Variants in ADCY5 observed in about 807,000 individuals in gnomAD.
ADCY5 encodes adenylate cyclase 5.
Under a neutral mutation model 119.7 loss-of-function variants are expected in ADCY5, and 30 were observed. The observed-to-expected ratio is 0.25, with a 90% CI of 0.19 to 0.34. The LOEUF (loss-of-function observed/expected upper bound fraction) is 0.34. Ranked by LOEUF, ADCY5 falls within the 10% of genes least tolerant of loss-of-function variation. ADCY5 has a pLI of 1.00. For synonymous variants in ADCY5, 753 were observed against 762.2 expected, an observed-to-expected ratio of 0.99 and a Z score of 0.20; for missense variants, 1,324 against 1,775.2, an observed-to-expected ratio of 0.75 and a Z score of 4.57.
rs1477827448 is a variant in ADCY5 at position 123,448,313 on chromosome 3, T to C, written c.233A>G (p.Asp78Gly). ...GTCACCGCTCAGCGGAGGATCGTCG[T>C]CGTCGTCGCTGCGCCAGCGGCTGGC... ...RLASRWRSDDDDDPPLSGDDP... is the reference protein window; with the variant it reads ...RLASRWRSDDGDDPPLSGDDP... The change falls in exon 1 of 21, where the codon GAC becomes GGC. Residue 78 changes from aspartate to glycine, a missense_variant. Physicochemically the swap from Asp to Gly is moderately conservative, Grantham distance 94. Transcript: ENST00000462833. 2.6e-6 allele frequency: 4 copies of C among 1,538,550 alleles called. No individual in the cohort carries two copies. Among genetic ancestry groups the C allele is most frequent in the Admixed American group, 3.8e-5 (2 of 52,926 alleles).
At chr3:123,412,878 G>T (rs570389365) in intron 1 of ADCY5, among the ~76,000 whole-genome samples, 1 of 151,434 alleles carries the variant, frequency 6.6e-6, no homozygotes, top group Non-Finnish European at 1.5e-5. Flanking sequence ...AAATAGCCCC[G>T]TCCAGGAACG....
Position 123,448,526 on chromosome 3 carries a change from A to T in ADCY5, c.20T>A (p.Val7Glu). Residue 7 changes from valine to glutamate, a missense_variant, in exon 1 of 21, where the codon GTG (valine) becomes GAG (glutamate). Physicochemically the swap from Val to Glu is moderately radical, Grantham distance 121. This residue lies in a region of ADCY5 where 585 missense variants were observed against 569.9 expected (regional missense o/e 1.03). Coordinates refer to ENST00000462833, the MANE Select transcript of ADCY5 (RefSeq NM_183357.3). Reference protein sequence around the residue: MSGSKSVSPPGYAAQKT... With the variant: MSGSKSESPPGYAAQKT... ...CTGCGCCGCGTAGCCCGGGGGGCTC[A>T]CGCTTTTGGAGCCGGACATCCCCCC... The T allele has an allele frequency of 1.6e-6, 2 of 1,264,634 alleles. No individual in the cohort carries two copies. 78.3% of individuals were successfully genotyped at this position (1,264,634 alleles called of 1,614,324 possible). A position where few individuals can be genotyped will look rare whatever the true frequency, so the allele number is the denominator to read the frequency against.
At chr3:123,400,270 C>T (rs1944715240) in intron 1 of ADCY5, among the ~76,000 whole-genome samples, 5 of 152,182 alleles carry the variant, frequency 3.3e-5, no homozygotes, top group Admixed American at 3.3e-4. Flanking sequence ...CTCATCTGTG[C>T]TACAAGCAGC....
At chr3:123,429,133 G>A (rs1326068969) in intron 1 of ADCY5, among the ~76,000 whole-genome samples, 1 of 152,244 alleles carries the variant, frequency 6.6e-6, no homozygotes, top group Non-Finnish European at 1.5e-5. Flanking sequence ...GGGATTGGCA[G>A]TATTTGTATT....
chr3:123,415,046 G>A (rs1347668506), intron 1 of ADCY5, among the ~76,000 whole-genome samples: 2 of 152,178 alleles, frequency 1.3e-5, no homozygotes, highest in Non-Finnish European at 2.9e-5. Flanking sequence ...GATCCTTGGG[G>A]TGAGCTACAG....
At chr3:123,423,040 A>G (rs1945332422) in intron 1 of ADCY5, among the ~76,000 whole-genome samples, 1 of 152,136 alleles carries the variant, frequency 6.6e-6, no homozygotes, top group Non-Finnish European at 1.5e-5. Flanking sequence ...CAGTGAGAGG[A>G]CAGACCAGTT....
At chr3:123,367,323 C>T (rs1943479817) in intron 1 of ADCY5, among the ~76,000 whole-genome samples, 1 of 152,194 alleles carries the variant, frequency 6.6e-6, no homozygotes, top group African/African-American at 2.4e-5. Flanking sequence ...GAGTACCTTG[C>T]AAAGGTTTTC....
At chr3:123,329,567 G>A (rs1366011193) in intron 5 of ADCY5, among the ~76,000 whole-genome samples, 1 of 152,180 alleles carries the variant, frequency 6.6e-6, no homozygotes, top group African/African-American at 2.4e-5. Context: ...AGCATCTGCA[G>A]GAGAGGGTGC....
intron 1 of ADCY5, among the ~76,000 whole-genome samples, chr3:123,409,078 T>G (rs1576676506): frequency 6.6e-6 from 1 of 152,222 alleles, no homozygotes; most frequent in Non-Finnish European, 1.5e-5. Context: ...AGCTAGCTGG[T>G]GTTTTAAGCT....
chr3:123,387,169 G>A (rs1469428170), intron 1 of ADCY5, among the ~76,000 whole-genome samples: 1 of 152,182 alleles, frequency 6.6e-6, no homozygotes, highest in Non-Finnish European at 1.5e-5. Context: ...ACAGACACAT[G>A]TATGTGTATA....
chr3:123,348,072 T>A (rs183523343), intron 2 of ADCY5, among the ~76,000 whole-genome samples, 169 bp from the exon 3 acceptor site: 2 of 102,524 alleles, frequency 2.0e-5, no homozygotes, highest in East Asian at 5.3e-4. Context: ...TGTCTGTGCA[T>A]GTGTGTGTAT....
chr3:123,324,280 G>A (rs2108365922), intron 8 of ADCY5, among the ~76,000 whole-genome samples: 1 of 152,238 alleles, frequency 6.6e-6, no homozygotes, highest in African/African-American at 2.4e-5. Context: ...TGACCCTGCT[G>A]GATTTCCAGG....
Position 123,284,761 on chromosome 3 carries a change from G to A in ADCY5, c.3658-25C>T, listed in dbSNP as rs750562039. On this transcript the variant is annotated intron_variant, in intron 20 of 20. Transcript: ENST00000462833. ...CCTGTGGGGGAACAGGAGGAGAGAG[G>A]GCAAGCCACTGATGGCCTTGGCCAT... 7 of 1,613,590 alleles carry A rather than the reference G, an allele frequency of 4.3e-6. No homozygotes were observed. In the African/African-American group the frequency reaches 6.7e-5, roughly 15 times the overall value.
Position 123,384,377 on chromosome 3 carries a change from T to G in ADCY5, c.1135-31796A>C, listed in dbSNP as rs554396008. On this transcript the variant is annotated intron_variant, in intron 1 of 20. Coordinates refer to ENST00000462833, the MANE Select transcript of ADCY5 (RefSeq NM_183357.3). ...AAACATGGAGCTACAGAGGCTCCTC[T>G]GGCACAATGACTGAGTCGCCCTGGG... 1.4e-4 allele frequency among the ~76,000 whole-genome samples: 22 copies of G among 152,354 alleles called. No individual in the cohort carries two copies. The East Asian group carries it at 4.3e-3, about 29-fold the overall frequency.
intron 1 of ADCY5, among the ~76,000 whole-genome samples, chr3:123,389,715 C>T (rs1174057918): frequency 6.6e-6 from 1 of 152,146 alleles, no homozygotes; most frequent in African/African-American, 2.4e-5. Context: ...CTTTCCCCCT[C>T]GCTGACCACA....
chr3:123,355,196 T>C (rs1422053641), intron 1 of ADCY5, among the ~76,000 whole-genome samples: 1 of 152,222 alleles, frequency 6.6e-6, no homozygotes, highest in Non-Finnish European at 1.5e-5. Context: ...TGATTGTCTA[T>C]GTAGAAGAAC....
At position 123,327,671 on chromosome 3, in the gene ADCY5, G is replaced by A; in HGVS notation, c.1894C>T (p.Leu632Phe). The A allele has an allele frequency of 1.9e-6, 3 of 1,614,132 alleles. No homozygotes were observed. Among genetic ancestry groups the A allele is most frequent in the Non-Finnish European group, 2.5e-6 (3 of 1,180,020 alleles). Residue 632 changes from leucine (L) to phenylalanine (F), a missense_variant, in exon 7 of 21, where the codon CTC becomes TTC. By Grantham distance (22) the Leu-to-Phe change is conservative (BLOSUM62 0). Around this residue, in one of 6 missense-constraint regions of ADCY5, gnomAD observed 424 missense variants for 546.8 expected, o/e 0.78. Transcript: ENST00000462833. ...AAGGTCTCGATACTGTGCTCCTTGAGGTAGGCGTTGCGCTCGCCCCCACAG... is the reference window on the plus strand; with the variant it reads ...AAGGTCTCGATACTGTGCTCCTTGAAGTAGGCGTTGCGCTCGCCCCCACAG... The part of the protein sequence containing the change: ...PGCGGERNAY[L>F]KEHSIETFLI...
intron 1 of ADCY5, among the ~76,000 whole-genome samples, chr3:123,377,023 GC>G (rs1429563398): frequency 6.6e-6 from 1 of 152,144 alleles, no homozygotes; most frequent in Non-Finnish European, 1.5e-5. Context: ...CTCGGCTCCA[GC>G]CCTTCTAAAA....
At chr3:123,310,911 C>A (rs775338045) in intron 12 of ADCY5, among the ~76,000 whole-genome samples, 2 of 152,050 alleles carry the variant, frequency 1.3e-5, no homozygotes, top group Non-Finnish European at 2.9e-5. Flanking sequence ...ACTGAACAGG[C>A]CCGAGATAAA....
Sources: gnomAD v4.1 joint callset for allele counts (sites outside exome capture counted in the v4.1 genomes callset) on GRCh38, gnomAD v4.1.1 for gene constraint, gnomAD v4.1.1 regional missense constraint, MANE v1.5 for transcripts, NCBI Gene and HGNC (gene_info 2026-07-23, HGNC 2026-07-21) for gene names.